The following CNTNAP2 variants were observed in gnomAD, a reference collection of about 807,000 sequenced individuals.
CNTNAP2 encodes contactin associated protein 2, also known as contactin-associated protein-like 2.
A neutral mutation model predicts 155.2 loss-of-function variants in CNTNAP2; 98 were observed. That is an observed-to-expected ratio of 0.63 (90% CI 0.54 to 0.75). CNTNAP2 has a LOEUF of 0.75. CNTNAP2 is among the 30% of genes least tolerant of loss of function. The probability of loss-of-function intolerance (pLI) is 0.00; values close to 1 mark genes in which losing one functional copy is unlikely to be tolerated. For synonymous variants in CNTNAP2, 651 were observed against 631.2 expected, an observed-to-expected ratio of 1.03 and a Z score of -0.47; for missense variants, 1,727 against 1,688.1, an observed-to-expected ratio of 1.02 and a Z score of -0.40.
intron 1 of CNTNAP2, among the ~76,000 whole-genome samples, chr7:146,359,792 A>ATG (rs142587036): frequency 0.14 from 21,160 of 151,778 alleles, 4,016 homozygotes; most frequent in African/African-American, 0.43. Context: ...GTGTGTGTGT[A>ATG]TGTGTGTGTG....
chr7:146,779,070 T>C (rs547905076), intron 2 of CNTNAP2, among the ~76,000 whole-genome samples: 1 of 152,232 alleles, frequency 6.6e-6, no homozygotes, highest in South Asian at 2.1e-4. Flanking sequence ...GAGGCCAGGG[T>C]ACCTGCACAG....
At chr7:146,975,164 G>A (rs1797884402) in intron 3 of CNTNAP2, among the ~76,000 whole-genome samples, 1 of 151,946 alleles carries the variant, frequency 6.6e-6, no homozygotes, top group Non-Finnish European at 1.5e-5. Context: ...AATCCAGAGT[G>A]AATAAGACAG....
intron 13 of CNTNAP2, among the ~76,000 whole-genome samples, chr7:147,712,820 C>A (rs112599638): frequency 0.057 from 8,649 of 152,170 alleles, 338 homozygotes; most frequent in Middle Eastern, 0.11. Flanking sequence ...GTGCAGCACA[C>A]CAACATGGCA....
intron 2 of CNTNAP2, among the ~76,000 whole-genome samples, chr7:146,809,063 G>T (rs750357063): frequency 6.6e-6 from 1 of 152,052 alleles, no homozygotes; most frequent in Non-Finnish European, 1.5e-5. Flanking sequence ...ACTGATTTCA[G>T]TTTTTTTAGA....
intron 1 of CNTNAP2, among the ~76,000 whole-genome samples, chr7:146,755,572 C>T (rs961211673): frequency 6.6e-6 from 1 of 151,902 alleles, no homozygotes; most frequent in Non-Finnish European, 1.5e-5. Context: ...ATAACACTAC[C>T]CAATAAGTGG....
At chr7:146,483,329 A>ATATATG (rs1211403922) in intron 1 of CNTNAP2, among the ~76,000 whole-genome samples, 3 of 84,614 alleles carry the variant, frequency 3.5e-5, no homozygotes, top group African/African-American at 6.1e-5. Flanking sequence ...ATATATATAT[A>ATATATG]CATATATATA....
At chr7:146,418,699 A>G (rs937891121) in intron 1 of CNTNAP2, among the ~76,000 whole-genome samples, 2 of 152,264 alleles carry the variant, frequency 1.3e-5, no homozygotes, top group Middle Eastern at 6.8e-3. Context: ...AATGTTATAT[A>G]AAATACTATC....
At chr7:146,704,393 C>T (rs1293634399) in intron 1 of CNTNAP2, among the ~76,000 whole-genome samples, 3 of 152,078 alleles carry the variant, frequency 2.0e-5, no homozygotes, top group Non-Finnish European at 4.4e-5. Flanking sequence ...AAAATAGATA[C>T]TAATTTGTTA....
At chr7:147,011,536 G>T (rs980270033) in intron 3 of CNTNAP2, among the ~76,000 whole-genome samples, 1 of 151,372 alleles carries the variant, frequency 6.6e-6, no homozygotes, top group Admixed American at 6.6e-5. Flanking sequence ...TTCTGAACTG[G>T]ATCCTTTTGG....
intron 11 of CNTNAP2, among the ~76,000 whole-genome samples, chr7:147,558,955 A>G (rs1800005879): frequency 6.6e-6 from 1 of 152,066 alleles, no homozygotes. Flanking sequence ...GTTGGCCAGG[A>G]TGCTCTTAAT....
At chr7:146,992,664 T>G (rs1175080952) in intron 3 of CNTNAP2, among the ~76,000 whole-genome samples, 1 of 152,108 alleles carries the variant, frequency 6.6e-6, no homozygotes, top group Non-Finnish European at 1.5e-5. Flanking sequence ...GACCCCTTTG[T>G]ACCTGGCTGT....
intron 21 of CNTNAP2, among the ~76,000 whole-genome samples, chr7:148,336,852 C>T (rs1269764921): frequency 6.6e-6 from 1 of 152,142 alleles, no homozygotes; most frequent in African/African-American, 2.4e-5. Context: ...AGAAACCTAC[C>T]AGGGCAGGCT....
intron 11 of CNTNAP2, among the ~76,000 whole-genome samples, chr7:147,549,440 A>G (rs1049058664): frequency 6.6e-6 from 1 of 152,124 alleles, no homozygotes; most frequent in African/African-American, 2.4e-5. Context: ...TGATTTTTGC[A>G]CATTGATTTT....
intron 1 of CNTNAP2, among the ~76,000 whole-genome samples, chr7:146,639,753 T>C (rs537182358): frequency 1.3e-5 from 2 of 152,368 alleles, no homozygotes; most frequent in East Asian, 3.9e-4. Context: ...TCTCATATAA[T>C]AATCAGAATC....
Position 147,772,409 on chromosome 7 carries a change from AT to A in CNTNAP2, c.2099-131155del, listed in dbSNP as rs1220260315. On this transcript the variant is annotated intron_variant, in intron 13 of 23. Transcript: ENST00000361727. ...AGTGACACTTTGTCTAAAAAAAAAA[AT>A]ATATATATATAATATATATATTATT... Among the ~76,000 whole-genome samples, 115 of 127,476 alleles carry A rather than the reference AT, an allele frequency of 9.0e-4. 1 individual carries two copies. Among genetic ancestry groups the A allele is most frequent in the East Asian group, 3.5e-3 (15 of 4,256 alleles). 83.6% of individuals were successfully genotyped at this position (127,476 alleles called of 152,430 possible). A position where few individuals can be genotyped will look rare whatever the true frequency, so the allele number is the denominator to read the frequency against.
chr7:146,843,814 C>T (rs1249261391), intron 3 of CNTNAP2, among the ~76,000 whole-genome samples: 1 of 152,002 alleles, frequency 6.6e-6, no homozygotes, highest in Non-Finnish European at 1.5e-5. Flanking sequence ...TACTGCTTAA[C>T]ATTATGTATA....
intron 14 of CNTNAP2, among the ~76,000 whole-genome samples, chr7:147,929,175 A>G (rs1354276995): frequency 6.7e-6 from 1 of 149,866 alleles, no homozygotes; most frequent in Non-Finnish European, 1.5e-5. Flanking sequence ...CTTATTGATC[A>G]TGTGTGTCCA....
chr7:147,441,846 T>TCTCTCCCTCC (rs1797644103), intron 10 of CNTNAP2, among the ~76,000 whole-genome samples: 1 of 117,044 alleles, frequency 8.5e-6, no homozygotes, highest in Admixed American at 8.6e-5. Context: ...TCTCTCTCTC[T>TCTCTCCCTCC]CTCTCCCTCC....
chr7:147,746,838 C>T (rs1446785218), intron 13 of CNTNAP2, among the ~76,000 whole-genome samples: 5 of 152,154 alleles, frequency 3.3e-5, no homozygotes, highest in Non-Finnish European at 7.3e-5. Context: ...CTGAGAATAA[C>T]ATAATATGCC....
Sources: gnomAD v4.1 joint callset for allele counts (sites outside exome capture counted in the v4.1 genomes callset) on GRCh38, gnomAD v4.1.1 for gene constraint, MANE v1.5 for transcripts, NCBI Gene and HGNC (gene_info 2026-07-23, HGNC 2026-07-21) for gene names.